Variants in ASTL observed in about 807,000 individuals in gnomAD.
ASTL encodes the protein astacin-like metalloendopeptidase.
A neutral mutation model predicts 36.7 loss-of-function variants in ASTL; 27 were observed. That is an observed-to-expected ratio of 0.73 (90% confidence interval 0.54 to 1.01). The LOEUF (loss-of-function observed/expected upper bound fraction) is 1.01, where lower values mean the gene tolerates loss of function less well. Ranked by LOEUF, ASTL falls within the 50% of genes least tolerant of loss-of-function variation. The pLI, the probability that ASTL is intolerant of heterozygous loss-of-function variation, is 0.00. For missense variants in ASTL, 524 were observed against 572.8 expected (o/e 0.91, Z 0.87); for synonymous variants, 222 against 228.1 (o/e 0.97, Z 0.24).
At chr2:96,135,057 A>G (rs1374632355) in intron 3 of ASTL, among the ~76,000 whole-genome samples, 1 of 152,152 alleles carries the variant, frequency 6.6e-6, no homozygotes, top group African/African-American at 2.4e-5. Context: ...CCGAGTGCTG[A>G]GCACCTCCCC....
intron 8 of ASTL, among the ~76,000 whole-genome samples, chr2:96,127,708 G>A (rs960327188): frequency 1.3e-5 from 2 of 151,988 alleles, no homozygotes; most frequent in African/African-American, 2.4e-5. Context: ...CTGAGTAGGT[G>A]GGACCACAGG....
intron 3 of ASTL, 101 bp from the exon 4 acceptor site, chr2:96,134,159 G>A (rs1372917671): frequency 2.7e-5 from 21 of 767,930 alleles, no homozygotes; most frequent in Non-Finnish European, 4.1e-5. Context: ...CAAAGATGTG[G>A]GAGTCAGGAC....
chr2:96,127,829 G>T (rs939995286), intron 8 of ASTL, among the ~76,000 whole-genome samples: 6 of 152,090 alleles, frequency 3.9e-5, no homozygotes, highest in African/African-American at 1.4e-4. Context: ...ACCCACCTCA[G>T]CCTCCCAAAG....
At chr2:96,130,873 G>T (rs1452809339) in intron 6 of ASTL, among the ~76,000 whole-genome samples, 3 of 152,172 alleles carry the variant, frequency 2.0e-5, no homozygotes. Context: ...TGAATAAGTA[G>T]TATATTCATT....
Position 96,137,605 on chromosome 2 carries a change from C to A in ASTL, c.151G>T (p.Gly51Trp). The A allele has an allele frequency of 6.2e-7, 1 of 1,613,950 alleles. No individual in the cohort carries two copies. The highest frequency in any genetic ancestry group is 8.5e-7 in the Non-Finnish European group (1 of 1,179,884). ...TTAATTGCAGGAATGTCCTTGTCCC[C>A]GGAGGCCTGGGTTCCCTCAGGGGTG... ...GLTPEGTQAS[G>W]DKDIPAINQG... The change falls in exon 2 of 9, where the codon GGG becomes TGG. Residue 51 changes from glycine (G) to tryptophan (W), a missense_variant. By Grantham distance (184) the Gly-to-Trp change is radical. Coordinates refer to ENST00000342380, the MANE Select transcript of ASTL (RefSeq NM_001002036.4).
chr2:96,131,046 G>C (rs1682167756), intron 6 of ASTL, among the ~76,000 whole-genome samples: 1 of 152,012 alleles, frequency 6.6e-6, no homozygotes, highest in African/African-American at 2.4e-5. Flanking sequence ...AACCTAAATG[G>C]GAACAAATAT....
At chr2:96,125,085 T>C (rs1053732590) in intron 8 of ASTL, among the ~76,000 whole-genome samples, 2 of 152,056 alleles carry the variant, frequency 1.3e-5, no homozygotes. Flanking sequence ...CTGCAGATAC[T>C]CCCCAGACCC....
chr2:96,132,841 C>G lies in ASTL; in HGVS notation c.456-120G>C. ...ACAAACTCCCAACAGGCAGGCCCCA[C>G]TCTGGGCTCTAGTCTCAGGTTCACC... is the stretch of plus-strand genomic sequence containing the variant. On this transcript the variant is annotated intron_variant, in intron 5 of 8. Coordinates refer to ENST00000342380, the MANE Select transcript of ASTL (RefSeq NM_001002036.4). This position sits in a 1 kb window ranked among gnomAD's most constrained non-coding sequence, Gnocchi z 5.4. The G allele has an allele frequency of 5.6e-6, 5 of 888,934 alleles. No individual in the cohort carries two copies. The highest frequency in any genetic ancestry group is 8.3e-6 in the Non-Finnish European group (5 of 603,006). 55.1% of individuals were successfully genotyped at this position (888,934 alleles called of 1,614,324 possible). A position where few individuals can be genotyped will look rare whatever the true frequency, so the allele number is the denominator to read the frequency against.
At chr2:96,128,154 C>T (rs540343503) in intron 8 of ASTL, among the ~76,000 whole-genome samples, 1 of 151,832 alleles carries the variant, frequency 6.6e-6, no homozygotes, top group East Asian at 1.9e-4. Flanking sequence ...ATCACTTGAA[C>T]CTGGGAGGCA....
In ASTL at chr2:96,122,892, T is replaced by C. The variant is rs1344134467; in HGVS notation, c.*958A>G. ...TGCCCCTTCTACCCCAAGCAGGGCT[T>C]CCTTGACCCTCTGAAAGGCCACCAA... On this transcript the variant is annotated 3_prime_UTR_variant, in exon 9 of 9. Coordinates refer to ENST00000342380, the MANE Select transcript of ASTL (RefSeq NM_001002036.4). Among the ~76,000 whole-genome samples, 14 of 152,230 alleles carry C rather than the reference T, an allele frequency of 9.2e-5. No homozygotes were observed. Among genetic ancestry groups the C allele is most frequent in the Admixed American group, 6.5e-5 (1 of 15,284 alleles).
chr2:96,132,597 G>A lies in ASTL; in HGVS notation c.580C>T (p.His194Tyr). Reference sequence around the variant, plus strand: ...TAGCGGTCCCGGTCGGCCCGCGTGTGCTCGTGCCAGAAGCCCAGCACATGC... The same window carrying A: ...TAGCGGTCCCGGTCGGCCCGCGTGTACTCGTGCCAGAAGCCCAGCACATGC... ...LMHVLGFWHE[H>Y]TRADRDRYIR... Residue 194 changes from histidine (H) to tyrosine (Y), a missense_variant, in exon 6 of 9, where the codon CAC becomes TAC. His to Tyr is a moderately conservative substitution (Grantham distance 83). Coordinates refer to ENST00000342380, the MANE Select transcript of ASTL (RefSeq NM_001002036.4). The surrounding 1 kb of genome is among the most constrained non-coding windows in gnomAD (Gnocchi z 5.4). 4 of 1,612,842 alleles carry A rather than the reference G, an allele frequency of 2.5e-6. No individual in the cohort carries two copies. Among genetic ancestry groups the A allele is most frequent in the Non-Finnish European group, 3.4e-6 (4 of 1,179,152 alleles).
At chr2:96,138,267 TCTGAGCTA>T in intron 1 of ASTL, 107 bp downstream of exon 1, 1 of 986,440 alleles carries the variant, frequency 1.0e-6, no homozygotes, top group Non-Finnish European at 1.6e-6. Flanking sequence ...AGCTCTGTGC[TCTGAGCTA>T]CTGAGCTCAG....
Position 96,123,917 on chromosome 2 carries a change from T to C in ASTL, c.1229A>G (p.Gln410Arg). The change falls in exon 9 of 9, where the codon CAG becomes CGG. Residue 410 changes from glutamine to arginine, a missense_variant. By Grantham distance (43) the Gln-to-Arg change is conservative. Transcript: ENST00000342380. ...GCCCCCTGGCAGAGCTGGGCTTCCC[T>C]GGACAGGGACTGGCTGGATTCCTGC... ...SEAGIQPVPVQGSPALPGGCV... is the reference protein window; with the variant it reads ...SEAGIQPVPVRGSPALPGGCV... The C allele has an allele frequency of 6.2e-7, 1 of 1,614,050 alleles. No homozygotes were observed. Among genetic ancestry groups the C allele is most frequent in the Non-Finnish European group, 8.5e-7 (1 of 1,179,976 alleles).
intron 1 of ASTL, 102 bp downstream of exon 1, chr2:96,138,280 G>A: frequency 9.0e-7 from 1 of 1,117,078 alleles, no homozygotes; most frequent in Non-Finnish European, 1.3e-6. Flanking sequence ...GAGCTACTGA[G>A]CTCAGCTACA....
rs1308063552 is a variant in ASTL, at chr2:96,129,852, G to T, written c.846C>A (p.Ser282Arg). The change falls in exon 8 of 9, where the codon AGC (serine) becomes AGA (arginine). Residue 282 changes from serine (S) to arginine (R), a missense_variant. By Grantham distance (110) the Ser-to-Arg change is moderately radical. Transcript: ENST00000342380. Reference sequence around the variant, plus strand: ...TCCCACGGGGCCTGGGGCCACTTGGGCTGCAGCCGTAGAGTTTGAGGACCC... The same window carrying T: ...TCCCACGGGGCCTGGGGCCACTTGGTCTGCAGCCGTAGAGTTTGAGGACCC... The part of the protein sequence containing the change: ...ITRVLKLYGC[S>R]PSGPRPRGRG... 10 of 1,579,046 alleles carry T rather than the reference G, an allele frequency of 6.3e-6. No individual in the cohort carries two copies. The highest frequency in any genetic ancestry group is 8.6e-6 in the Non-Finnish European group (10 of 1,159,586).
chr2:96,124,016 C>T lies in ASTL; in HGVS notation c.1130G>A (p.Gly377Asp). ...ASSPRSRPGA[G>D]APGVAQEQSW... ...CTGCTCCTGAGCAACACCGGGGGCA[C>T]CTGCTCCAGGCCTTGATCTTGGGGA... The change falls in exon 9 of 9, where the codon GGT becomes GAT. Residue 377 changes from glycine (G) to aspartate (D), a missense_variant. Physicochemically the swap from Gly to Asp is moderately conservative, Grantham distance 94. Transcript: ENST00000342380. This position sits in a 1 kb window ranked among gnomAD's most constrained non-coding sequence, Gnocchi z 4.1. The T allele has an allele frequency of 6.2e-7, 1 of 1,614,020 alleles. No individual in the cohort carries two copies.
chr2:96,136,217 A>C (rs1403535458), intron 2 of ASTL, among the ~76,000 whole-genome samples: 1 of 152,148 alleles, frequency 6.6e-6, no homozygotes, highest in Non-Finnish European at 1.5e-5. Context: ...CACAAATGAC[A>C]CCGCTGACTT....
rs764505450 is a variant in ASTL, at chr2:96,124,268, G to A, written c.878C>T (p.Ser293Phe). 7.3e-6 allele frequency: 11 copies of A among 1,506,828 alleles called. No homozygotes were observed. The highest frequency in any genetic ancestry group is 2.0e-4 in the Middle Eastern group (1 of 5,102). 93.3% of individuals were successfully genotyped at this position (1,506,828 alleles called of 1,614,324 possible). A position where few individuals can be genotyped will look rare whatever the true frequency, so the allele number is the denominator to read the frequency against. Residue 293 changes from serine to phenylalanine, a missense_variant, in exon 9 of 9, where the codon TCC (serine) becomes TTC (phenylalanine). Physicochemically the swap from Ser to Phe is radical, Grantham distance 155. Transcript: ENST00000342380. This position sits in a 1 kb window ranked among gnomAD's most constrained non-coding sequence, Gnocchi z 4.1. ...GCTCCTACCAGTGCTGTGGGCATGG[G>A]ACCCTGCAACAGAAAAGACAGGAGG... ...PSGPRPRGRG[S>F]HAHSTGRSPA...
rs749493910 is a variant in ASTL at position 96,137,642 on chromosome 2, G to C, written c.114C>G (p.Phe38Leu). 2 of 1,613,852 alleles carry C rather than the reference G, an allele frequency of 1.2e-6. No homozygotes were observed. Among genetic ancestry groups the C allele is most frequent in the African/African-American group, 2.7e-5 (2 of 74,904 alleles). ...TTCCCTCAGGGGTGAGGCCATCTGG[G>C]AAGCTGGTACCACAGGCTCCTGCGC... ...SSCAGACGTS[F>L]PDGLTPEGTQ... Residue 38 changes from phenylalanine to leucine, a missense_variant, in exon 2 of 9, where the codon TTC (phenylalanine) becomes TTG (leucine). Transcript: ENST00000342380.
Sources: allele counts gnomAD v4.1 joint callset (sites outside exome capture counted in the v4.1 genomes callset), GRCh38; gene constraint gnomAD v4.1.1; non-coding constraint Gnocchi (gnomAD v3.1); transcripts MANE v1.5; gene names NCBI Gene and HGNC (gene_info 2026-07-23, HGNC 2026-07-21).